SNX27: variants seen among roughly 807,000 people sequenced by gnomAD.
SNX27 encodes the protein sorting nexin-27.
SNX27 carries 22 observed loss-of-function variants against 71.6 expected under a neutral mutation model. That is an observed-to-expected ratio of 0.31 (90% CI 0.22 to 0.44). SNX27 has a LOEUF of 0.44. Among genes scored for constraint, SNX27 ranks in the 20% least tolerant of loss-of-function variants. SNX27 has a pLI of 1.00. For missense variants in SNX27, 531 were observed against 698.6 expected (o/e 0.76, Z 2.70); for synonymous variants, 269 against 277.2 (o/e 0.97, Z 0.29).
At chr1:151,624,913 T>G (rs1451220773) in intron 1 of SNX27, among the ~76,000 whole-genome samples, 1 of 152,188 alleles carries the variant, frequency 6.6e-6, no homozygotes, top group Non-Finnish European at 1.5e-5. Context: ...TCTTCCCCAG[T>G]AATAAACTCT....
chr1:151,686,667 G>A (rs923006323), intron 8 of SNX27, among the ~76,000 whole-genome samples: 2 of 152,200 alleles, frequency 1.3e-5, no homozygotes, highest in East Asian at 3.8e-4. Context: ...CCAATATTAG[G>A]TCATGGTCAA....
At chr1:151,642,243 C>T (rs1235214985) in intron 2 of SNX27, among the ~76,000 whole-genome samples, 1 of 151,534 alleles carries the variant, frequency 6.6e-6, no homozygotes, top group African/African-American at 2.4e-5. Flanking sequence ...AAAAATTAGC[C>T]GGGCGTGGTG....
intron 1 of SNX27, among the ~76,000 whole-genome samples, chr1:151,621,430 A>G (rs549727827): frequency 1.3e-5 from 2 of 152,336 alleles, no homozygotes; most frequent in African/African-American, 4.8e-5. Flanking sequence ...ATCTTTTAAG[A>G]AATGGTCTGT....
chr1:151,664,294 G>A (rs1001061037), intron 5 of SNX27, among the ~76,000 whole-genome samples: 1 of 150,372 alleles, frequency 6.7e-6, no homozygotes, highest in Non-Finnish European at 1.5e-5. Context: ...TGATTTAATC[G>A]ATAACATATA....
chr1:151,633,934 A>G (rs1279222730), intron 1 of SNX27, among the ~76,000 whole-genome samples: 2 of 150,012 alleles, frequency 1.3e-5, no homozygotes, highest in Admixed American at 6.6e-5. Flanking sequence ...GCTGCGGTGG[A>G]CATTCAACTA....
intron 1 of SNX27, among the ~76,000 whole-genome samples, chr1:151,620,759 G>A (rs1301087653): frequency 2.0e-5 from 3 of 148,858 alleles, no homozygotes; most frequent in East Asian, 2.0e-4. Context: ...GCACGATCTC[G>A]GCTCACTGCA....
At position 151,692,938 on chromosome 1, in the gene SNX27, G is replaced by A; in HGVS notation, c.1417G>A (p.Glu473Lys). ...CCAGGTAATTGCATTTGAATGGGAT[G>A]AGATGCAGCGATGGGACACAGATGA... Reference protein sequence around the residue: ...ENQVIAFEWDEMQRWDTDEEG... With the variant: ...ENQVIAFEWDKMQRWDTDEEG... The change falls in exon 10 of 12, where the codon GAG (glutamate) becomes AAG (lysine). Residue 473 changes from glutamate to lysine, a missense_variant. Around this residue, in one of 5 missense-constraint regions of SNX27, gnomAD observed 157 missense variants for 178.4 expected, o/e 0.88. Transcript: ENST00000458013. 1 of 1,614,196 alleles carries A rather than the reference G, an allele frequency of 6.2e-7. No individual in the cohort carries two copies. Among genetic ancestry groups the A allele is most frequent in the Non-Finnish European group, 8.5e-7 (1 of 1,180,028 alleles).
intron 2 of SNX27, among the ~76,000 whole-genome samples, chr1:151,643,560 TGA>T (rs1468450895): frequency 6.6e-6 from 1 of 152,098 alleles, no homozygotes; most frequent in African/African-American, 2.4e-5. Context: ...CCCAAAGTGC[TGA>T]GATTACAGGT....
At chr1:151,669,569 C>T (rs1380013317) in intron 7 of SNX27, among the ~76,000 whole-genome samples, 3 of 152,150 alleles carry the variant, frequency 2.0e-5, no homozygotes, top group South Asian at 2.1e-4. Context: ...CCTCTATCCC[C>T]GTGTGAAGTG....
At chr1:151,641,870 A>G (rs1237404474) in intron 2 of SNX27, among the ~76,000 whole-genome samples, 1 of 141,548 alleles carries the variant, frequency 7.1e-6, no homozygotes, top group Non-Finnish European at 1.5e-5. Context: ...CTATAGATAT[A>G]TATGATATAT....
intron 7 of SNX27, chr1:151,679,763 A>G (rs1670855243): frequency 6.6e-6 from 1 of 152,210 alleles, no homozygotes; most frequent in Non-Finnish European, 1.5e-5. Flanking sequence ...TAATGCAGTT[A>G]TTGAGTATTT....
intron 6 of SNX27, among the ~76,000 whole-genome samples, chr1:151,668,097 C>G (rs1199016419): frequency 6.6e-6 from 1 of 152,200 alleles, no homozygotes; most frequent in Non-Finnish European, 1.5e-5. Flanking sequence ...AATTGGGCAT[C>G]TGGTAAGGTC....
In SNX27 at chr1:151,618,278, A is replaced by G. The variant is rs1298366251; in HGVS notation, c.311+5766A>G. On this transcript the variant is annotated intron_variant, in intron 1 of 11. Coordinates refer to ENST00000458013, the MANE Select transcript of SNX27 (RefSeq NM_001330723.2). ...TCACTATTACCCATTGTTAAATTGG[A>G]TGAGAGACAGGGGACTAAAGCAGGC... Among the ~76,000 whole-genome samples, 5 of 152,150 alleles carry G rather than the reference A, an allele frequency of 3.3e-5. No individual in the cohort carries two copies. In the East Asian group the frequency reaches 9.6e-4, roughly 29 times the overall value.
intron 7 of SNX27, among the ~76,000 whole-genome samples, chr1:151,672,743 A>T (rs1282768622): frequency 6.6e-6 from 1 of 152,032 alleles, no homozygotes; most frequent in Non-Finnish European, 1.5e-5. Flanking sequence ...CTAGGAATTT[A>T]TCCATTTCTT....
chr1:151,679,473 C>T (rs1213016143), intron 7 of SNX27: 2 of 152,074 alleles, frequency 1.3e-5, no homozygotes, highest in African/African-American at 2.4e-5. Context: ...ACAAAAGTAG[C>T]AGTATTGGAA....
chr1:151,686,242 G>A (rs760881058), intron 8 of SNX27, among the ~76,000 whole-genome samples: 5 of 152,170 alleles, frequency 3.3e-5, no homozygotes, highest in Non-Finnish European at 7.3e-5. Flanking sequence ...TTCCATCTAT[G>A]TATTCAACAA....
intron 1 of SNX27, among the ~76,000 whole-genome samples, chr1:151,630,310 T>C (rs1668166640): frequency 6.6e-6 from 1 of 152,198 alleles, no homozygotes. Context: ...TAGATGCATA[T>C]TGCCAGTGAA....
intron 1 of SNX27, among the ~76,000 whole-genome samples, chr1:151,634,061 A>G (rs1397250521): frequency 6.6e-6 from 1 of 151,332 alleles, no homozygotes; most frequent in Non-Finnish European, 1.5e-5. Context: ...AAACTGCTAG[A>G]TTGTTTTTAT....
chr1:151,685,218 C>T (rs1217845231), intron 8 of SNX27: 1 of 152,098 alleles, frequency 6.6e-6, no homozygotes, highest in Non-Finnish European at 1.5e-5. Flanking sequence ...TGTTTTCACA[C>T]CATCATAAAG....
Sources: allele counts gnomAD v4.1 joint callset (sites outside exome capture counted in the v4.1 genomes callset), GRCh38; gene constraint gnomAD v4.1.1; regional missense constraint gnomAD v4.1.1; transcripts MANE v1.5; gene names NCBI Gene and HGNC (gene_info 2026-07-23, HGNC 2026-07-21).